GRIN2B: variants seen among roughly 807,000 people sequenced by gnomAD.
GRIN2B encodes glutamate receptor ionotropic, NMDA 2B.
A neutral mutation model predicts 114.5 loss-of-function variants in GRIN2B; 5 were observed. The ratio of observed to expected loss-of-function variants is 0.04; its 90% CI spans 0.02 to 0.09. The LOEUF is 0.09. GRIN2B is among the 10% of genes least tolerant of loss of function. The probability of loss-of-function intolerance (pLI) is 1.00; values close to 1 mark genes in which losing one functional copy is unlikely to be tolerated. For synonymous variants in GRIN2B, 787 were observed against 745.1 expected, an observed-to-expected ratio of 1.06 and a Z score of -0.92; for missense variants, 1,108 against 1,943.5, an observed-to-expected ratio of 0.57 and a Z score of 8.08.
intron 2 of GRIN2B, among the ~76,000 whole-genome samples, chr12:13,955,873 G>A (rs1463010114): frequency 1.3e-5 from 2 of 152,196 alleles, no homozygotes; most frequent in African/African-American, 4.8e-5. Flanking sequence ...AGAAGATGCA[G>A]CCTGGCTCTC....
At chr12:13,699,887 T>C (rs1342535121) in intron 4 of GRIN2B, among the ~76,000 whole-genome samples, 2 of 550 alleles carry the variant, frequency 3.6e-3, no homozygotes, top group Admixed American at 0.14. Flanking sequence ...GCACCCAGCC[T>C]TTTTTTTTTT....
chr12:13,977,043 C>G (rs1863033127), intron 2 of GRIN2B, among the ~76,000 whole-genome samples: 1 of 152,198 alleles, frequency 6.6e-6, no homozygotes, highest in South Asian at 2.1e-4. Flanking sequence ...ACCAAGAACA[C>G]AAAATCAAGG....
At chr12:13,967,915 C>T (rs899072614) in intron 2 of GRIN2B, among the ~76,000 whole-genome samples, 3 of 152,180 alleles carry the variant, frequency 2.0e-5, no homozygotes, top group Non-Finnish European at 4.4e-5. Flanking sequence ...ATCCCTTGCC[C>T]CTGCCTGTGT....
At chr12:13,571,742 A>G (rs1822916748) in intron 11 of GRIN2B, 62 bp downstream of exon 11, 4 of 1,538,486 alleles carry the variant, frequency 2.6e-6, no homozygotes, top group African/African-American at 2.7e-5. Context: ...ATGTGATTCA[A>G]TAGTATGCTT....
intron 4 of GRIN2B, among the ~76,000 whole-genome samples, chr12:13,693,763 C>T (rs1276636845): frequency 6.6e-6 from 1 of 152,202 alleles, no homozygotes; most frequent in Non-Finnish European, 1.5e-5. Flanking sequence ...TCTCCGGTGA[C>T]TCCCCTACTC....
At chr12:13,772,181 A>T (rs1156430456) in intron 3 of GRIN2B, among the ~76,000 whole-genome samples, 4 of 152,240 alleles carry the variant, frequency 2.6e-5, no homozygotes, top group Non-Finnish European at 4.4e-5. Flanking sequence ...ACCCGGTCTC[A>T]GATGGATCAG....
chr12:13,584,780 TG>T (rs1948897442), intron 10 of GRIN2B, among the ~76,000 whole-genome samples: 1 of 152,196 alleles, frequency 6.6e-6, no homozygotes, highest in South Asian at 2.1e-4. Context: ...AACATGGAGA[TG>T]AAGTGAAACA....
At chr12:13,730,262 A>G (rs1395963458) in intron 4 of GRIN2B, among the ~76,000 whole-genome samples, 3 of 152,206 alleles carry the variant, frequency 2.0e-5, no homozygotes, top group African/African-American at 4.8e-5. Flanking sequence ...AGAAAATACA[A>G]TTTTTAATGA....
At position 13,712,691 on chromosome 12, in the gene GRIN2B, T is replaced by C. The variant is rs903833304; in HGVS notation, c.1011-36832A>G. 2.0e-5 allele frequency among the ~76,000 whole-genome samples: 3 copies of C among 151,944 alleles called. No homozygotes were observed. The East Asian group carries it at 5.8e-4, about 30-fold the overall frequency. ...AGAATTTTATCTTTGGAGAATATTA[T>C]AAAGTCTCTGACTATCAGGGAAAGC... On this transcript the variant is annotated intron_variant, in intron 4 of 13. Transcript: ENST00000609686.
chr12:13,574,286 A>G (rs1472997373), intron 10 of GRIN2B, among the ~76,000 whole-genome samples: 3 of 152,254 alleles, frequency 2.0e-5, no homozygotes, highest in African/African-American at 7.2e-5. Flanking sequence ...TTTGCATACC[A>G]CTATCAAATA....
At position 13,981,471 on chromosome 12, in the gene GRIN2B, T is replaced by C. The variant is rs931680961; in HGVS notation, c.-577A>G. The C allele has an allele frequency of 1.3e-5, 2 of 152,052 alleles. No individual in the cohort carries two copies. The highest frequency in any genetic ancestry group is 2.9e-5 in the Non-Finnish European group (2 of 68,030). The allele number at this position is 152,052 out of a possible 1,614,324, so 9.4% of individuals were successfully genotyped here. ...GGGGTTTTGAAGTTCATGACTCTTCTTTGCAAGGCAAAAGGATATGCATTC... is the reference window on the plus strand; with the variant it reads ...GGGGTTTTGAAGTTCATGACTCTTCCTTGCAAGGCAAAAGGATATGCATTC... On this transcript the variant is annotated 5_prime_UTR_variant, in exon 1 of 14. Coordinates refer to ENST00000609686, the MANE Select transcript of GRIN2B (RefSeq NM_000834.5).
chr12:13,724,939 A>T (rs1050476262), intron 4 of GRIN2B, among the ~76,000 whole-genome samples: 4 of 152,160 alleles, frequency 2.6e-5, no homozygotes, highest in African/African-American at 7.2e-5. Flanking sequence ...GGTGTCTAGG[A>T]CATAGCAGGT....
intron 12 of GRIN2B, among the ~76,000 whole-genome samples, chr12:13,567,521 G>A (rs180719748): frequency 2.6e-4 from 39 of 152,274 alleles, no homozygotes; most frequent in Non-Finnish European, 4.4e-5. Context: ...CACATGAGAC[G>A]TTGCTCCCGC....
intron 5 of GRIN2B, among the ~76,000 whole-genome samples, chr12:13,648,520 G>C (rs577916909): frequency 2.6e-5 from 4 of 152,058 alleles, no homozygotes; most frequent in Non-Finnish European, 1.5e-5. Flanking sequence ...AAGGGGCAAG[G>C]TGTCACTTGC....
chr12:13,761,705 C>A (rs561620319), intron 3 of GRIN2B, among the ~76,000 whole-genome samples: 1 of 152,228 alleles, frequency 6.6e-6, no homozygotes, highest in South Asian at 2.1e-4. Flanking sequence ...TTAAGAGGTG[C>A]CTTTCTATAA....
intron 3 of GRIN2B, among the ~76,000 whole-genome samples, chr12:13,831,253 C>G (rs1175336693): frequency 6.6e-6 from 1 of 152,184 alleles, no homozygotes; most frequent in Non-Finnish European, 1.5e-5. Flanking sequence ...ATCCTCTTTT[C>G]TTTATAAATT....
intron 3 of GRIN2B, among the ~76,000 whole-genome samples, chr12:13,773,273 G>C (rs1182341012): frequency 6.6e-6 from 1 of 152,206 alleles, no homozygotes; most frequent in African/African-American, 2.4e-5. Context: ...AAAGTAGCTA[G>C]CATGTCCTTA....
At chr12:13,626,132 A>T (rs1173403723) in intron 5 of GRIN2B, among the ~76,000 whole-genome samples, 1 of 152,138 alleles carries the variant, frequency 6.6e-6, no homozygotes, top group Non-Finnish European at 1.5e-5. Context: ...TTCTCCTTTG[A>T]TGTGCCTTCC....
intron 3 of GRIN2B, among the ~76,000 whole-genome samples, chr12:13,801,878 T>C (rs554548302): frequency 3.3e-5 from 5 of 152,222 alleles, no homozygotes; most frequent in Admixed American, 2.0e-4. Flanking sequence ...CTGAGCTCTA[T>C]ACACTTGGTT....
Sources: gnomAD v4.1 joint callset for allele counts (sites outside exome capture counted in the v4.1 genomes callset) on GRCh38, gnomAD v4.1.1 for gene constraint, MANE v1.5 for transcripts, NCBI Gene and HGNC (gene_info 2026-07-23, HGNC 2026-07-21) for gene names.